Variants in THADA observed in about 807,000 individuals in gnomAD.
THADA encodes THADA armadillo repeat containing.
In THADA, 213 loss-of-function variants were observed where a neutral mutation model predicts 219.8. The observed-to-expected ratio is 0.97, with a 90% CI of 0.87 to 1.09. The LOEUF is 1.09. THADA is among the 50% of genes least tolerant of loss of function. The pLI is 0.00. For synonymous variants in THADA, 1,018 were observed against 828.9 expected (o/e 1.23, Z -3.92); for missense variants, 2,956 against 2,311.3 (o/e 1.28, Z -5.72).
chr2:43,294,233 T>C (rs980987233), intron 31 of THADA, among the ~76,000 whole-genome samples: 1 of 152,242 alleles, frequency 6.6e-6, no homozygotes, highest in Non-Finnish European at 1.5e-5. Flanking sequence ...CAAAAACTTA[T>C]TGCCTGCTTA....
chr2:43,556,119 T>C, intron 17 of THADA: 1 of 983,668 alleles, frequency 1.0e-6, no homozygotes. Flanking sequence ...GCTTTATTAA[T>C]AAATATTTGT....
At chr2:43,586,488 T>A (rs760928543) in intron 6 of THADA, 39 bp from the exon 7 acceptor site, 2 of 1,484,246 alleles carry the variant, frequency 1.3e-6, no homozygotes, top group South Asian at 2.6e-5. Context: ...AATTTAAAAC[T>A]GTGAAGCTCA....
intron 22 of THADA, among the ~76,000 whole-genome samples, chr2:43,519,763 G>A (rs1692183128): frequency 6.6e-6 from 1 of 152,176 alleles, no homozygotes; most frequent in South Asian, 2.1e-4. Flanking sequence ...GGTGCCAGCT[G>A]GCGCACATTA....
chr2:43,491,622 C>A (rs1460743801), intron 25 of THADA, among the ~76,000 whole-genome samples: 2 of 152,162 alleles, frequency 1.3e-5, no homozygotes, highest in African/African-American at 2.4e-5. Context: ...TGGTAGCATA[C>A]TCAGTATGAT....
intron 37 of THADA, among the ~76,000 whole-genome samples, chr2:43,232,393 T>C (rs1339484782): frequency 6.6e-6 from 1 of 152,126 alleles, no homozygotes; most frequent in Non-Finnish European, 1.5e-5. Flanking sequence ...TTAGCCAGGA[T>C]GGTCTCGATC....
At chr2:43,467,065 C>T (rs1160710451) in intron 26 of THADA, among the ~76,000 whole-genome samples, 4 of 151,028 alleles carry the variant, frequency 2.6e-5, no homozygotes, top group Admixed American at 6.6e-5. Context: ...GCCTGTAGTC[C>T]CAGCTACTCG....
chr2:43,572,530 A>G (rs148151364), intron 12 of THADA, among the ~76,000 whole-genome samples: 2 of 152,310 alleles, frequency 1.3e-5, no homozygotes, highest in African/African-American at 4.8e-5. Context: ...CTTCCAAGCG[A>G]GTCCTTATGT....
intron 26 of THADA, among the ~76,000 whole-genome samples, chr2:43,449,822 C>A (rs967603112): frequency 5.9e-5 from 9 of 152,094 alleles, no homozygotes; most frequent in Admixed American, 2.6e-4. Flanking sequence ...AGATTATCAG[C>A]CAATTTCTTA....
chr2:43,337,480 A>G (rs1444716413), intron 30 of THADA, among the ~76,000 whole-genome samples: 1 of 152,228 alleles, frequency 6.6e-6, no homozygotes, highest in Non-Finnish European at 1.5e-5. Flanking sequence ...GGCACAGAGT[A>G]AGCATTCAAA....
In THADA at chr2:43,508,671, C is replaced by G; in HGVS notation, c.3484G>C (p.Ala1162Pro). The G allele has an allele frequency of 6.2e-7, 1 of 1,613,530 alleles. No individual in the cohort carries two copies. Among genetic ancestry groups the G allele is most frequent in the Non-Finnish European group, 8.5e-7 (1 of 1,179,640 alleles). Residue 1162 changes from alanine to proline, a missense_variant, in exon 23 of 38, where the codon GCT becomes CCT. Coordinates refer to ENST00000405975, the MANE Select transcript of THADA (RefSeq NM_022065.5). ...ACCTGTATGTAGAAAGGAATTCCAG[C>G]ACTGCGCCTTGTAGCACAGAGTTTA... ...SSKLCATRRS[A>P]GIPFYIQALL...
chr2:43,544,637 A>C (rs1481006248), intron 20 of THADA, among the ~76,000 whole-genome samples: 3 of 150,976 alleles, frequency 2.0e-5, no homozygotes, highest in Non-Finnish European at 4.4e-5. Context: ...CTTTGAAGCA[A>C]TTGTGAATGG....
At chr2:43,306,642 C>A (rs1008593013) in intron 31 of THADA, among the ~76,000 whole-genome samples, 2 of 152,146 alleles carry the variant, frequency 1.3e-5, no homozygotes, top group Non-Finnish European at 2.9e-5. Context: ...AGGTTCCTGG[C>A]ACCAAATCAT....
chr2:43,274,241 A>G (rs919069763), intron 36 of THADA, among the ~76,000 whole-genome samples: 9 of 152,218 alleles, frequency 5.9e-5, no homozygotes, highest in Admixed American at 1.3e-4. Flanking sequence ...TACAGGCTGC[A>G]AACTCAGCCT....
At chr2:43,249,747 A>G (rs1669624221) in intron 36 of THADA, among the ~76,000 whole-genome samples, 1 of 151,876 alleles carries the variant, frequency 6.6e-6, no homozygotes, top group African/African-American at 2.4e-5. Flanking sequence ...CCTTAGTCAA[A>G]TCTTTTCAAG....
rs759261024 is a variant in THADA at position 43,552,329 on chromosome 2, G to C, written c.2685C>G (p.Cys895Trp). 9.4e-6 allele frequency: 15 copies of C among 1,588,494 alleles called. No individual in the cohort carries two copies. Among genetic ancestry groups the C allele is most frequent in the Non-Finnish European group, 1.3e-5 (15 of 1,172,490 alleles). ...CTTCTTCCTCAAGATTTTCCATCAA[G>C]CATTTGATAACTAGAAAAAGCAAAC... ...VERNTLMVIK[C>W]LMENLEEEVS... Residue 895 changes from cysteine (C) to tryptophan (W), a missense_variant, in exon 18 of 38, where the codon TGC (cysteine) becomes TGG (tryptophan). Physicochemically the swap from Cys to Trp is radical, Grantham distance 215. Transcript: ENST00000405975.
In THADA at chr2:43,422,995, T is replaced by C. The variant is rs149689554; in HGVS notation, c.4058+5105A>G. ...GAACTGCATCAGACATACAAAATGA[T>C]GACAACAACGAAAAGAATCTAGAGA... On this transcript the variant is annotated intron_variant, in intron 28 of 37. Transcript: ENST00000405975. Among the ~76,000 whole-genome samples, 12 of 152,332 alleles carry C rather than the reference T, an allele frequency of 7.9e-5. No homozygotes were observed. In the South Asian group the frequency reaches 1.0e-3, roughly 13 times the overall value.
intron 22 of THADA, among the ~76,000 whole-genome samples, chr2:43,520,589 C>A (rs1692275751): frequency 6.6e-6 from 1 of 152,006 alleles, no homozygotes; most frequent in South Asian, 2.1e-4. Flanking sequence ...ACTCAGGAAG[C>A]TGAGGTGAGA....
chr2:43,573,356 A>G (rs577769953), intron 11 of THADA, among the ~76,000 whole-genome samples: 70 of 152,332 alleles, frequency 4.6e-4, no homozygotes, highest in African/African-American at 1.6e-3. Flanking sequence ...TACTTCTCTA[A>G]AAGTAAACAC....
At chr2:43,457,901 C>T (rs1317521701) in intron 26 of THADA, among the ~76,000 whole-genome samples, 1 of 151,792 alleles carries the variant, frequency 6.6e-6, no homozygotes, top group East Asian at 1.9e-4. Flanking sequence ...AACTAATCTG[C>T]ACATACACTG....
Sources: allele counts gnomAD v4.1 joint callset (sites outside exome capture counted in the v4.1 genomes callset), GRCh38; gene constraint gnomAD v4.1.1; transcripts MANE v1.5; gene names NCBI Gene and HGNC (gene_info 2026-07-23, HGNC 2026-07-21).